PCDHA3: variants seen among roughly 807,000 people sequenced by gnomAD.
PCDHA3 encodes protocadherin alpha 3, also known as protocadherin alpha-3.
PCDHA3 carries 41 observed loss-of-function variants against 62.2 expected under a neutral mutation model. That is an observed-to-expected ratio of 0.66 (90% CI 0.51 to 0.86). PCDHA3 has a LOEUF of 0.86. Ranked by LOEUF, PCDHA3 falls within the 40% of genes least tolerant of loss-of-function variation. The pLI is 0.00. For synonymous variants in PCDHA3, 640 were observed against 555.4 expected (o/e 1.15, Z -2.14); for missense variants, 1,304 against 1,241.2 (o/e 1.05, Z -0.76).
chr5:140,963,221 T>C (rs2095749324), intron 1 of PCDHA3, among the ~76,000 whole-genome samples: 1 of 151,808 alleles, frequency 6.6e-6, no homozygotes, highest in Admixed American at 6.6e-5. Context: ...GTGTTTAGAG[T>C]AGACACTGTT....
intron 1 of PCDHA3, chr5:140,816,760 T>C (rs2126674817): frequency 1.3e-5 from 2 of 152,266 alleles, no homozygotes; most frequent in South Asian, 2.1e-4. Context: ...TATGGACTTG[T>C]GTGTATAATT....
At chr5:140,885,482 G>A (rs1174553739) in intron 1 of PCDHA3, among the ~76,000 whole-genome samples, 1 of 152,150 alleles carries the variant, frequency 6.6e-6, no homozygotes, top group Non-Finnish European at 1.5e-5. Context: ...TTTGTGTCAA[G>A]TGTTCTGTTA....
At chr5:140,961,001 C>A (rs2095583358) in intron 1 of PCDHA3, among the ~76,000 whole-genome samples, 1 of 152,144 alleles carries the variant, frequency 6.6e-6, no homozygotes, top group Non-Finnish European at 1.5e-5. Context: ...CAATTTGCTG[C>A]TGGACTGCAT....
At chr5:140,936,433 G>A (rs907839925) in intron 1 of PCDHA3, among the ~76,000 whole-genome samples, 4 of 152,126 alleles carry the variant, frequency 2.6e-5, no homozygotes, top group Admixed American at 2.6e-4. Flanking sequence ...ATTAATTTAA[G>A]CTTAAATAAC....
intron 1 of PCDHA3, chr5:140,809,778 A>G: frequency 1.9e-6 from 1 of 519,568 alleles, no homozygotes; most frequent in Non-Finnish European, 3.3e-6. Flanking sequence ...TATTCAATGC[A>G]TATTAACAGA....
intron 1 of PCDHA3, chr5:140,968,109 A>G (rs2096220086): frequency 6.2e-7 from 1 of 1,614,046 alleles, no homozygotes; most frequent in African/African-American, 1.3e-5. Context: ...GGAATACCGC[A>G]GCTCACATCC....
intron 1 of PCDHA3, chr5:140,822,148 A>G (rs2150114067): frequency 2.5e-6 from 4 of 1,614,274 alleles, no homozygotes; most frequent in East Asian, 2.2e-5. Context: ...AGTGAAGGAC[A>G]TCAATGACAA....
At chr5:140,836,949 T>C in intron 1 of PCDHA3, 1 of 431,294 alleles carries the variant, frequency 2.3e-6, no homozygotes, top group Non-Finnish European at 4.0e-6. Context: ...TCAAAATCTA[T>C]GGTTTATGTT....
rs1252148937 is a variant in PCDHA3 at position 141,009,582 on chromosome 5, G to T, written c.2543-45G>T. On this transcript the variant is annotated intron_variant, in intron 3 of 3. Coordinates refer to ENST00000522353, the MANE Select transcript of PCDHA3 (RefSeq NM_018906.3). ...CTCTACCAGCAGTGTGGCATCAAGA[G>T]CATGTGTTGACCCTGTTAATGATTT... 16 of 1,590,108 alleles carry T rather than the reference G, an allele frequency of 1.0e-5. No homozygotes were observed. In the African/African-American group the frequency reaches 2.0e-4, roughly 20 times the overall value.
chr5:140,826,342 C>T (rs1288222380), intron 1 of PCDHA3, among the ~76,000 whole-genome samples: 3 of 152,070 alleles, frequency 2.0e-5, no homozygotes, highest in East Asian at 1.9e-4. Context: ...AAATTGAACC[C>T]TTTGTTTGCC....
rs534595431 is a variant in PCDHA3 at position 140,908,278 on chromosome 5, TG to T, written c.2395-70670del. On this transcript the variant is annotated intron_variant, in intron 1 of 3. Coordinates refer to ENST00000522353, the MANE Select transcript of PCDHA3 (RefSeq NM_018906.3). Reference sequence around the variant, plus strand: ...CATAGGGAACTCCCCATGAGGCCATTGTTGCAAGCTGGGGAAGAGAAGGAAG... The same window carrying T: ...CATAGGGAACTCCCCATGAGGCCATTTTGCAAGCTGGGGAAGAGAAGGAAG... Among the ~76,000 whole-genome samples the T allele has an allele frequency of 1.3e-3, 196 of 152,290 alleles. 1 individual carries two copies. Among genetic ancestry groups the T allele is most frequent in the African/African-American group, 4.6e-3 (191 of 41,570 alleles).
At chr5:140,979,908 TAA>T (rs782196172) in intron 2 of PCDHA3, among the ~76,000 whole-genome samples, 3 of 152,250 alleles carry the variant, frequency 2.0e-5, no homozygotes, top group Non-Finnish European at 4.4e-5. Context: ...GATCAGTTCG[TAA>T]AGAGAAAGCC....
At chr5:140,812,829 T>G (rs1222229983) in intron 1 of PCDHA3, 2 of 152,234 alleles carry the variant, frequency 1.3e-5, no homozygotes, top group African/African-American at 4.8e-5. Context: ...GTTTTCATTT[T>G]TGTTTATCTT....
intron 1 of PCDHA3, chr5:140,857,589 G>T (rs1554150286): frequency 6.3e-7 from 1 of 1,596,564 alleles, no homozygotes; most frequent in Non-Finnish European, 8.6e-7. Flanking sequence ...GCGGAGAGCG[G>T]CAAGGTGTAC....
intron 1 of PCDHA3, chr5:140,967,872 A>G: frequency 1.2e-6 from 2 of 1,614,034 alleles, no homozygotes; most frequent in Non-Finnish European, 1.7e-6. Context: ...GTGCTCACGG[A>G]CCTGTATAGC....
chr5:140,983,746 T>A (rs1206745225), intron 3 of PCDHA3, among the ~76,000 whole-genome samples: 2 of 152,228 alleles, frequency 1.3e-5, no homozygotes, highest in East Asian at 3.8e-4. Flanking sequence ...CTTGCAATAA[T>A]CCATTCAAAT....
intron 1 of PCDHA3, chr5:140,928,202 A>G: frequency 6.2e-7 from 1 of 1,614,210 alleles, no homozygotes; most frequent in Non-Finnish European, 8.5e-7. Flanking sequence ...TCAGTTGCTG[A>G]TGTGAATGAC....
intron 1 of PCDHA3, among the ~76,000 whole-genome samples, chr5:140,939,059 T>C (rs2092309221): frequency 6.6e-6 from 1 of 152,234 alleles, no homozygotes; most frequent in Non-Finnish European, 1.5e-5. Flanking sequence ...TTTGGGCTGC[T>C]ATATCAAAAT....
intron 1 of PCDHA3, among the ~76,000 whole-genome samples, chr5:140,957,571 G>A (rs2095367794): frequency 6.6e-6 from 1 of 152,068 alleles, no homozygotes; most frequent in African/African-American, 2.4e-5. Flanking sequence ...AGGGACTACT[G>A]TACTTTTAAC....
Sources: allele counts gnomAD v4.1 joint callset (sites outside exome capture counted in the v4.1 genomes callset), GRCh38; gene constraint gnomAD v4.1.1; transcripts MANE v1.5; gene names NCBI Gene and HGNC (gene_info 2026-07-23, HGNC 2026-07-21).